The following FXYD5 variants were observed in gnomAD, a reference collection of about 807,000 sequenced individuals.
FXYD5 encodes the protein FXYD domain-containing ion transport regulator 5.
FXYD5 carries 21 observed loss-of-function variants against 25.7 expected under a neutral mutation model. That is an observed-to-expected ratio of 0.82 (90% CI 0.58 to 1.18). The LOEUF is 1.18. FXYD5 is among the 50% of genes most tolerant of loss of function. FXYD5 has a pLI of 0.00. For missense variants in FXYD5, 229 were observed against 227.7 expected (o/e 1.01, Z -0.04); for synonymous variants, 101 against 90.7 (o/e 1.11, Z -0.64).
intron 5 of FXYD5, among the ~76,000 whole-genome samples, chr19:35,161,044 G>A (rs1332629125): frequency 2.0e-5 from 3 of 152,204 alleles, no homozygotes; most frequent in Admixed American, 6.5e-5. Context: ...GGATCCCCAA[G>A]GGGCAGCGTG....
chr19:35,155,028 C>T (rs1466169631), intron 1 of FXYD5: 8 of 172,292 alleles, frequency 4.6e-5, no homozygotes, highest in Non-Finnish European at 1.0e-4. Flanking sequence ...ACCAGTGCCT[C>T]TTAGGTCTCT....
intron 2 of FXYD5, among the ~76,000 whole-genome samples, chr19:35,156,012 C>T (rs967083570): frequency 8.5e-5 from 13 of 152,358 alleles, no homozygotes; most frequent in African/African-American, 3.1e-4. Context: ...GAGTTGGCAA[C>T]ATCTCAGCCT....
At chr19:35,160,150 A>C (rs1480561198) in intron 4 of FXYD5, among the ~76,000 whole-genome samples, 1 of 152,238 alleles carries the variant, frequency 6.6e-6, no homozygotes. Context: ...TCAAGGCTAC[A>C]GTGAGCTATG....
intron 6 of FXYD5, 82 bp from the exon 7 acceptor site, chr19:35,166,060 C>T: frequency 7.6e-7 from 1 of 1,316,568 alleles, no homozygotes; most frequent in South Asian, 1.2e-5. Flanking sequence ...CCCAGGTATC[C>T]CCCTTTCCTG....
rs941569108 is a variant in FXYD5, at chr19:35,159,658, C to G, written c.200-1051C>G. The G allele has an allele frequency of 4.5e-6, 7 of 1,542,970 alleles. No individual in the cohort carries two copies. The Admixed American group carries it at 1.2e-4, about 27-fold the overall frequency. ...CAAACGCACTTGGAATATGTACTGA[C>G]TATGTGCTGGTCATGGTTCTAAATA... On this transcript the variant is annotated intron_variant, in intron 4 of 8. Transcript: ENST00000392219.
chr19:35,161,874 G>C (rs924021104), intron 5 of FXYD5, among the ~76,000 whole-genome samples: 1 of 152,132 alleles, frequency 6.6e-6, no homozygotes, highest in Non-Finnish European at 1.5e-5. Context: ...ACCACCTCTC[G>C]GGCAATGCCA....
At chr19:35,169,480 G>A in intron 8 of FXYD5, 86 bp from the exon 9 acceptor site, 1 of 1,005,826 alleles carries the variant, frequency 9.9e-7, no homozygotes, top group Non-Finnish European at 1.6e-6. Context: ...GGGCAGGGTT[G>A]ATCAATCTGG....
chr19:35,165,591 C>T (rs761791925), intron 6 of FXYD5, among the ~76,000 whole-genome samples: 1 of 151,942 alleles, frequency 6.6e-6, no homozygotes, highest in Non-Finnish European at 1.5e-5. Context: ...TATCTCGTGC[C>T]GACCTCCTAT....
chr19:35,164,175 C>A lies in FXYD5; in HGVS notation c.312C>A (p.Thr104=). 1.2e-6 allele frequency: 2 copies of A among 1,614,046 alleles called. No individual in the cohort carries two copies. Among genetic ancestry groups the A allele is most frequent in the Non-Finnish European group, 1.7e-6 (2 of 1,180,010 alleles). Residue 104 remains threonine (T), a synonymous_variant, in exon 6 of 9, where the codon ACC becomes ACA. Transcript: ENST00000392219. ...STKAAHPTDD[T]TTLSERPSPS... is the part of the protein sequence containing the mutation. ...TCTCAGCTCATCCCACTGATGACACCACGACGCTCTCTGAGAGACCATCCC... is the reference window on the plus strand; with the variant it reads ...TCTCAGCTCATCCCACTGATGACACAACGACGCTCTCTGAGAGACCATCCC...
At position 35,160,734 on chromosome 19, in the gene FXYD5, C is replaced by T. The variant is rs745682236; in HGVS notation, c.225C>T (p.Thr75=). ...AAACACCACAACCCCAGACCCAGAC[C>T]CAGCAACTGGAAGGAACGGATGGGC... ...ADETPQPQTQ[T]QQLEGTDGPL... is the part of the protein sequence containing the mutation. The change falls in exon 5 of 9, where the codon ACC becomes ACT. Residue 75 remains threonine (T), a synonymous_variant. Coordinates refer to ENST00000392219, the MANE Select transcript of FXYD5 (RefSeq NM_014164.6). The T allele has an allele frequency of 3.1e-6, 5 of 1,613,532 alleles. No individual in the cohort carries two copies. Among genetic ancestry groups the T allele is most frequent in the Non-Finnish European group, 4.2e-6 (5 of 1,179,572 alleles).
Position 35,169,753 on chromosome 19 carries a change from A to T in FXYD5, c.*138A>T. On this transcript the variant is annotated 3_prime_UTR_variant, in exon 9 of 9. Coordinates refer to ENST00000392219, the MANE Select transcript of FXYD5 (RefSeq NM_014164.6). ...AGACACAGATGATGAAGCTGGAGCC[A>T]GGGCTGCCGGTCCGAGTCTCCTACC... is the stretch of plus-strand genomic sequence containing the variant. The T allele has an allele frequency of 3.0e-6, 2 of 665,346 alleles. No homozygotes were observed. Among genetic ancestry groups the T allele is most frequent in the Admixed American group, 4.6e-5 (2 of 43,300 alleles). 41.2% of individuals were successfully genotyped at this position (665,346 alleles called of 1,614,324 possible).
At chr19:35,157,357 G>C (rs2065365321) in intron 2 of FXYD5, 64 bp from the exon 3 acceptor site, 3 of 832,586 alleles carry the variant, frequency 3.6e-6, no homozygotes, top group Middle Eastern at 2.4e-4. Context: ...AGGGAGGCGA[G>C]GGCGGGGGTG....
chr19:35,167,507 C>T (rs2065461461), intron 8 of FXYD5, among the ~76,000 whole-genome samples: 1 of 152,106 alleles, frequency 6.6e-6, no homozygotes, highest in Non-Finnish European at 1.5e-5. Context: ...GGCCCAGGGC[C>T]CCATGCAGGG....
At chr19:35,164,386 G>C (rs73588893) in intron 6 of FXYD5, 141 bp downstream of exon 6, 88,236 of 762,334 alleles carry the variant, frequency 0.12, 6,108 homozygotes, top group South Asian at 0.22. Flanking sequence ...CAGGCAGAGG[G>C]TGGGCACATG....
chr19:35,161,819 C>G (rs1379167077), intron 5 of FXYD5, among the ~76,000 whole-genome samples: 1 of 152,226 alleles, frequency 6.6e-6, no homozygotes, highest in East Asian at 1.9e-4. Context: ...AGGCCACTCC[C>G]AGAGAGACAT....
intron 2 of FXYD5, among the ~76,000 whole-genome samples, 193 bp from the exon 3 acceptor site, chr19:35,157,228 G>A (rs1006875246): frequency 2.0e-5 from 3 of 152,122 alleles, no homozygotes; most frequent in Admixed American, 6.5e-5. Flanking sequence ...TGGGCGGGGA[G>A]GGGGACTAGA....
intron 4 of FXYD5, among the ~76,000 whole-genome samples, chr19:35,160,452 C>T (rs2065394327): frequency 6.6e-6 from 1 of 152,112 alleles, no homozygotes. Flanking sequence ...CAGGTTCAAG[C>T]AATTCTCCCT....
At chr19:35,166,459 A>T (rs185457352) in intron 8 of FXYD5, 134 bp downstream of exon 8, 6 of 618,856 alleles carry the variant, frequency 9.7e-6, no homozygotes, top group African/African-American at 7.4e-5. Context: ...CATACAAACC[A>T]CCACAGAATT....
rs1455670967 is a variant in FXYD5, at chr19:35,166,577, G to T, written c.487+252G>T. On this transcript the variant is annotated intron_variant, in intron 8 of 8. Coordinates refer to ENST00000392219, the MANE Select transcript of FXYD5 (RefSeq NM_014164.6). ...TCTGGTCTCAACTGGATTTACTCTT[G>T]CATCTGAGTTCAGTTGTGGGTCAGC... is the stretch of plus-strand genomic sequence containing the variant. 1.1e-5 allele frequency: 5 copies of T among 454,910 alleles called. No homozygotes were observed. In the East Asian group the frequency reaches 1.7e-4, roughly 15 times the overall value. 28.2% of individuals were successfully genotyped at this position (454,910 alleles called of 1,614,324 possible). A position where few individuals can be genotyped will look rare whatever the true frequency, so the allele number is the denominator to read the frequency against.
Sources: allele counts gnomAD v4.1 joint callset (sites outside exome capture counted in the v4.1 genomes callset), GRCh38; gene constraint gnomAD v4.1.1; transcripts MANE v1.5; gene names NCBI Gene and HGNC (gene_info 2026-07-23, HGNC 2026-07-21).